Variants in PIK3C3 observed in about 807,000 individuals in gnomAD.
PIK3C3 encodes the protein phosphatidylinositol 3-kinase catalytic subunit type 3.
Under a neutral mutation model 126.1 loss-of-function variants are expected in PIK3C3, and 95 were observed. The observed-to-expected ratio is 0.75, with a 90% confidence interval of 0.64 to 0.89. PIK3C3 has a LOEUF of 0.89. PIK3C3 is among the 40% of genes least tolerant of loss of function. The pLI is 0.00. For missense variants in PIK3C3, 829 were observed against 1,063.2 expected, an observed-to-expected ratio of 0.78 and a Z score of 3.06; for synonymous variants, 374 against 360.0, an observed-to-expected ratio of 1.04 and a Z score of -0.44.
At chr18:42,046,826 T>C (rs1354043545) in intron 20 of PIK3C3, among the ~76,000 whole-genome samples, 1 of 152,178 alleles carries the variant, frequency 6.6e-6, no homozygotes, top group Non-Finnish European at 1.5e-5. Flanking sequence ...TGAAGCACTC[T>C]AAATTTTCAT....
chr18:42,076,218 A>G (rs1232815915), intron 24 of PIK3C3, among the ~76,000 whole-genome samples: 1 of 147,138 alleles, frequency 6.8e-6, no homozygotes, highest in Non-Finnish European at 1.5e-5. Context: ...GCACATATAT[A>G]TATGCATATA....
chr18:41,993,445 C>T, intron 7 of PIK3C3, 104 bp downstream of exon 7: 1 of 687,676 alleles, frequency 1.5e-6, no homozygotes, highest in Non-Finnish European at 2.6e-6. Context: ...ATAACTGCCT[C>T]CGTTACCTAA....
chr18:41,956,716 G>C (rs778637357), intron 1 of PIK3C3, among the ~76,000 whole-genome samples: 6 of 152,064 alleles, frequency 3.9e-5, no homozygotes, highest in Non-Finnish European at 7.4e-5. Flanking sequence ...GTACTCTTGA[G>C]ACTCTGATTT....
intron 2 of PIK3C3, 83 bp downstream of exon 2, chr18:41,957,841 T>G (rs960295805): frequency 1.9e-6 from 2 of 1,077,448 alleles, no homozygotes; most frequent in Admixed American, 2.5e-5. Flanking sequence ...TTAGTAGGAT[T>G]ATAGAGGAAT....
intron 4 of PIK3C3, among the ~76,000 whole-genome samples, chr18:41,984,404 A>G (rs888678556): frequency 1.3e-5 from 2 of 152,180 alleles, no homozygotes; most frequent in Non-Finnish European, 2.9e-5. Flanking sequence ...TGGGCTAATT[A>G]GAATAGCTGT....
At chr18:42,044,817 G>A (rs1984490437) in intron 20 of PIK3C3, among the ~76,000 whole-genome samples, 1 of 152,162 alleles carries the variant, frequency 6.6e-6, no homozygotes, top group South Asian at 2.1e-4. Context: ...ATGACAGGAT[G>A]TATGATGTGT....
At chr18:42,052,714 A>G (rs973517678) in intron 21 of PIK3C3, 4 of 152,278 alleles carry the variant, frequency 2.6e-5, no homozygotes, top group East Asian at 1.9e-4. Context: ...TAGACTTTGT[A>G]TAGTTCAAAG....
intron 24 of PIK3C3, among the ~76,000 whole-genome samples, chr18:42,078,903 G>A (rs1351027685): frequency 2.6e-5 from 4 of 152,114 alleles, no homozygotes; most frequent in Non-Finnish European, 5.9e-5. Context: ...GACAGTTAAG[G>A]CCTTGCTCTG....
In PIK3C3 at chr18:41,957,749, C is replaced by G. The variant is rs1389259574; in HGVS notation, c.248C>G (p.Thr83Arg). 6.2e-7 allele frequency: 1 copy of G among 1,609,292 alleles called. No individual in the cohort carries two copies. Among genetic ancestry groups the G allele is most frequent in the East Asian group, 2.2e-5 (1 of 44,842 alleles). The change falls in exon 2 of 25, where the codon ACA becomes AGA. Residue 83 changes from threonine (T) to arginine (R), a missense_variant. By Grantham distance (71) the Thr-to-Arg change is moderately conservative (BLOSUM62 -1). Transcript: ENST00000262039. ...AGAACATCCTACAAAGCATTTAGTA[C>G]AAGATGGAAGTAAGTTTTTTTGTGG... ...PVRTSYKAFS[T>R]RWNWNEWLKL...
At chr18:42,076,540 T>C (rs958480112) in intron 24 of PIK3C3, among the ~76,000 whole-genome samples, 19 of 152,182 alleles carry the variant, frequency 1.2e-4, no homozygotes, top group African/African-American at 4.6e-4. Context: ...GACCCACCTG[T>C]GCTCTCTTGT....
chr18:42,076,167 T>TATATATATGCACATATATATATGCAC lies in PIK3C3; in HGVS notation c.2650-4948_2650-4947insGCACATATATATATGCACATATATAT, dbSNP rs1568013860. On this transcript the variant is annotated intron_variant, in intron 24 of 24. Transcript: ENST00000262039. ...ATGCGCATATATATATATATGCACA[T>TATATATATGCACATATATATATGCAC]ATATATATATGCACATATATATATG... Among the ~76,000 whole-genome samples the TATATATATGCACATATATATATGCAC allele has an allele frequency of 7.3e-4, 82 of 112,202 alleles. 1 individual carries two copies. The highest frequency in any genetic ancestry group is 4.2e-3 in the African/African-American group (81 of 19,408). 73.6% of individuals were successfully genotyped at this position (112,202 alleles called of 152,430 possible). A position where few individuals can be genotyped will look rare whatever the true frequency, so the allele number is the denominator to read the frequency against.
At chr18:42,063,706 T>A (rs566591478) in intron 22 of PIK3C3, among the ~76,000 whole-genome samples, 2 of 152,290 alleles carry the variant, frequency 1.3e-5, no homozygotes, top group South Asian at 4.1e-4. Context: ...CTGTTAAACA[T>A]TTAAGTATTA....
At chr18:41,982,853 A>C (rs1253239673) in intron 4 of PIK3C3, among the ~76,000 whole-genome samples, 1 of 152,174 alleles carries the variant, frequency 6.6e-6, no homozygotes, top group Non-Finnish European at 1.5e-5. Context: ...TTTACATTTA[A>C]TGGTGTCTCA....
intron 10 of PIK3C3, among the ~76,000 whole-genome samples, chr18:42,004,897 C>T (rs1982469214): frequency 6.6e-6 from 1 of 152,156 alleles, no homozygotes; most frequent in African/African-American, 2.4e-5. Flanking sequence ...TCTCCTCTAT[C>T]AGTCAGTATA....
At chr18:41,998,725 G>C (rs186913967) in intron 9 of PIK3C3, among the ~76,000 whole-genome samples, 1 of 152,276 alleles carries the variant, frequency 6.6e-6, no homozygotes, top group Non-Finnish European at 1.5e-5. Context: ...TGAACGATAT[G>C]TTTTAATGTT....
chr18:41,978,193 A>C (rs1981025893), intron 4 of PIK3C3, among the ~76,000 whole-genome samples: 1 of 152,118 alleles, frequency 6.6e-6, no homozygotes, highest in Admixed American at 6.5e-5. Flanking sequence ...AGGCTCAAGC[A>C]GTCCTCCTGC....
At chr18:42,042,178 A>G (rs1984352858) in intron 19 of PIK3C3, among the ~76,000 whole-genome samples, 1 of 152,178 alleles carries the variant, frequency 6.6e-6, no homozygotes, top group African/African-American at 2.4e-5. Context: ...CTTGGGTTCT[A>G]AGTCTCTAAT....
intron 10 of PIK3C3, among the ~76,000 whole-genome samples, chr18:42,012,840 TAATC>T (rs537874879): frequency 5.7e-4 from 86 of 152,194 alleles, no homozygotes; most frequent in Non-Finnish European, 1.1e-3. Flanking sequence ...GCATGTCTCT[TAATC>T]AACTGTTTAA....
At position 42,082,756 on chromosome 18, in the gene PIK3C3, A is replaced by C. The variant is rs920135696; in HGVS notation, c.*1619A>C. ...TACTTTTTCTTTAATGGGCTAAGAA[A>C]GTAAATATCTTCAGCTTTGGGGGGC... On this transcript the variant is annotated 3_prime_UTR_variant, in exon 25 of 25. Coordinates refer to ENST00000262039, the MANE Select transcript of PIK3C3 (RefSeq NM_002647.4). 2 of 152,200 alleles carry C rather than the reference A, an allele frequency of 1.3e-5. No homozygotes were observed. Among genetic ancestry groups the C allele is most frequent in the Non-Finnish European group, 2.9e-5 (2 of 68,034 alleles). 9.4% of individuals were successfully genotyped at this position (152,200 alleles called of 1,614,324 possible). A position where few individuals can be genotyped will look rare whatever the true frequency, so the allele number is the denominator to read the frequency against.
Sources: gnomAD v4.1 joint callset for allele counts (sites outside exome capture counted in the v4.1 genomes callset) on GRCh38, gnomAD v4.1.1 for gene constraint, MANE v1.5 for transcripts, NCBI Gene and HGNC (gene_info 2026-07-23, HGNC 2026-07-21) for gene names.